The following CTNNA2 variants were observed in gnomAD, a reference collection of about 807,000 sequenced individuals.
The protein encoded by CTNNA2 is catenin alpha 2, also known as catenin alpha-2.
A neutral mutation model predicts 101.0 loss-of-function variants in CTNNA2; 42 were observed. The ratio of observed to expected loss-of-function variants is 0.42; its 90% confidence interval spans 0.32 to 0.54. The LOEUF (loss-of-function observed/expected upper bound fraction) is 0.54, where lower values mean the gene tolerates loss of function less well. CTNNA2 is among the 20% of genes least tolerant of loss of function. CTNNA2 has a pLI of 0.14. For synonymous variants in CTNNA2, 450 were observed against 456.4 expected, an observed-to-expected ratio of 0.99 and a Z score of 0.18; for missense variants, 871 against 1,223.1, an observed-to-expected ratio of 0.71 and a Z score of 4.29.
chr2:79,515,966 T>G (rs1314751033), intron 1 of CTNNA2, among the ~76,000 whole-genome samples: 2 of 152,140 alleles, frequency 1.3e-5, no homozygotes, highest in Non-Finnish European at 2.9e-5. Flanking sequence ...TCCAAGAAAG[T>G]AGAAAGAAGT....
chr2:79,990,260 C>T (rs1165377923), intron 7 of CTNNA2, among the ~76,000 whole-genome samples: 1 of 152,090 alleles, frequency 6.6e-6, no homozygotes, highest in Non-Finnish European at 1.5e-5. Flanking sequence ...TGAGGCAGCC[C>T]CTTAGAACTC....
chr2:79,600,216 C>T (rs1373584696), intron 1 of CTNNA2, among the ~76,000 whole-genome samples: 1 of 152,030 alleles, frequency 6.6e-6, no homozygotes, highest in Admixed American at 6.6e-5. Flanking sequence ...TCCTCTGTCA[C>T]CCAGGCTGGA....
chr2:79,248,487 A>G (rs965047103), intron 2 of CTNNA2, among the ~76,000 whole-genome samples: 1 of 152,124 alleles, frequency 6.6e-6, no homozygotes, highest in African/African-American at 2.4e-5. Context: ...AGTACATCTC[A>G]ATTTAGACCA....
intron 17 of CTNNA2, among the ~76,000 whole-genome samples, chr2:80,614,356 T>G (rs939453529): frequency 6.6e-6 from 1 of 151,496 alleles, no homozygotes; most frequent in Non-Finnish European, 1.5e-5. Context: ...TATATAATAT[T>G]TATGTAACAT....
At chr2:79,568,588 C>T (rs1281076253) in intron 1 of CTNNA2, among the ~76,000 whole-genome samples, 1 of 151,402 alleles carries the variant, frequency 6.6e-6, no homozygotes, top group Non-Finnish European at 1.5e-5. Context: ...CAGAGTGAGA[C>T]TCCCTCTCAA....
At chr2:80,627,179 G>A (rs1054036857) in intron 18 of CTNNA2, among the ~76,000 whole-genome samples, 2 of 62,576 alleles carry the variant, frequency 3.2e-5, no homozygotes, top group Non-Finnish European at 4.5e-5. Context: ...AAACATACGT[G>A]TGTGTGTGTG....
intron 3 of CTNNA2, among the ~76,000 whole-genome samples, chr2:79,809,489 G>T (rs1304559469): frequency 6.6e-6 from 1 of 152,126 alleles, no homozygotes; most frequent in Non-Finnish European, 1.5e-5. Context: ...ACTGTAACTG[G>T]CATGAGATGT....
intron 2 of CTNNA2, among the ~76,000 whole-genome samples, chr2:79,201,381 G>C (rs972856937): frequency 5.3e-5 from 8 of 152,062 alleles, no homozygotes; most frequent in African/African-American, 1.9e-4. Context: ...ACTTACCTGA[G>C]GATGGGTCTC....
chr2:79,593,754 CCTT>C (rs1677011527), intron 1 of CTNNA2, among the ~76,000 whole-genome samples: 1 of 152,108 alleles, frequency 6.6e-6, no homozygotes, highest in Non-Finnish European at 1.5e-5. Flanking sequence ...ACTTCCTTTA[CCTT>C]CTTCTTCCTA....
At chr2:80,577,987 G>A (rs750315283) in intron 13 of CTNNA2, among the ~76,000 whole-genome samples, 8 of 152,156 alleles carry the variant, frequency 5.3e-5, no homozygotes, top group Non-Finnish European at 1.0e-4. Context: ...CAGGTGAAAT[G>A]ACTGAATCCT....
chr2:80,323,447 T>C (rs1468528300), intron 7 of CTNNA2, among the ~76,000 whole-genome samples: 1 of 152,086 alleles, frequency 6.6e-6, no homozygotes, highest in African/African-American at 2.4e-5. Flanking sequence ...ACTCCTCTTT[T>C]ATTTTCCCAT....
intron 2 of CTNNA2, among the ~76,000 whole-genome samples, chr2:79,668,246 C>CAAAAA (rs34348942): frequency 3.8e-4 from 26 of 69,302 alleles, no homozygotes; most frequent in African/African-American, 9.1e-4. Context: ...GACTCCGTCT[C>CAAAAA]AAAAAAAAAA....
At chr2:80,190,181 A>G (rs1706400959) in intron 7 of CTNNA2, among the ~76,000 whole-genome samples, 1 of 151,988 alleles carries the variant, frequency 6.6e-6, no homozygotes, top group Non-Finnish European at 1.5e-5. Context: ...GCTTTGGTTC[A>G]AAAGCCTGAA....
chr2:80,390,982 A>T (rs1677454877), intron 7 of CTNNA2, among the ~76,000 whole-genome samples: 1 of 152,154 alleles, frequency 6.6e-6, no homozygotes, highest in Admixed American at 6.5e-5. Flanking sequence ...ATACAAAAAA[A>T]TTAGCTGGAC....
intron 9 of CTNNA2, among the ~76,000 whole-genome samples, chr2:80,462,867 T>C (rs995562): frequency 0.43 from 65,438 of 151,706 alleles, 16,943 homozygotes; most frequent in East Asian, 0.75. Flanking sequence ...ATGAATTCCC[T>C]ATCCCTACCC....
chr2:79,753,790 TTTGTTATGA>T lies in CTNNA2; in HGVS notation c.298+9209_298+9217del. The stretch of plus-strand genomic sequence containing the variant: ...CATTCACTGCTCATGCAGTATTTTC[TTTGTTATGA>T]CATAACCTCAAATGTGAAGTGATAT... On this transcript the variant is annotated intron_variant, in intron 3 of 18. Transcript: ENST00000402739. Among the ~76,000 whole-genome samples the T allele has an allele frequency of 2.6e-5, 4 of 152,310 alleles. No homozygotes were observed. The South Asian group carries it at 8.3e-4, about 32-fold the overall frequency.
At chr2:79,821,137 A>G (rs1677967608) in intron 3 of CTNNA2, among the ~76,000 whole-genome samples, 1 of 152,204 alleles carries the variant, frequency 6.6e-6, no homozygotes, top group Non-Finnish European at 1.5e-5. Context: ...TTTAGGATAA[A>G]CCATTAATTC....
chr2:80,066,892 G>A (rs189898161), intron 7 of CTNNA2, among the ~76,000 whole-genome samples: 65 of 152,246 alleles, frequency 4.3e-4, no homozygotes, highest in Non-Finnish European at 1.3e-4. Context: ...ATACACAATA[G>A]AACCTATTCA....
chr2:79,268,305 G>A (rs1178662786), intron 2 of CTNNA2, among the ~76,000 whole-genome samples: 1 of 152,056 alleles, frequency 6.6e-6, no homozygotes, highest in Admixed American at 6.6e-5. Flanking sequence ...TGTGGCGATG[G>A]CTAAGAGGCC....
Sources: gnomAD v4.1 joint callset for allele counts (sites outside exome capture counted in the v4.1 genomes callset) on GRCh38, gnomAD v4.1.1 for gene constraint, MANE v1.5 for transcripts, NCBI Gene and HGNC (gene_info 2026-07-23, HGNC 2026-07-21) for gene names.